GRM5: variants seen among roughly 807,000 people sequenced by gnomAD.
The protein encoded by GRM5 is glutamate metabotropic receptor 5, also known as metabotropic glutamate receptor 5.
A neutral mutation model predicts 83.1 loss-of-function variants in GRM5; 19 were observed. The observed-to-expected ratio is 0.23, with a 90% CI of 0.16 to 0.34. GRM5 has a LOEUF of 0.34. Ranked by LOEUF, GRM5 falls within the 10% of genes least tolerant of loss-of-function variation. The pLI is 1.00. For synonymous variants in GRM5, 675 were observed against 633.6 expected, an observed-to-expected ratio of 1.07 and a Z score of -0.98; for missense variants, 1,160 against 1,588.3, an observed-to-expected ratio of 0.73 and a Z score of 4.58.
At chr11:88,584,624 AG>A (rs1943278132) in intron 7 of GRM5, among the ~76,000 whole-genome samples, 1 of 152,046 alleles carries the variant, frequency 6.6e-6, no homozygotes, top group Non-Finnish European at 1.5e-5. Flanking sequence ...TTGTATGTTT[AG>A]TAGAGACAAG....
chr11:88,774,111 G>A (rs1942797680), intron 3 of GRM5, among the ~76,000 whole-genome samples: 1 of 152,068 alleles, frequency 6.6e-6, no homozygotes, highest in Non-Finnish European at 1.5e-5. Context: ...ATTTGTTCAT[G>A]TCCTCTTTTA....
intron 2 of GRM5, among the ~76,000 whole-genome samples, chr11:88,878,195 A>T (rs1189451364): frequency 1.3e-5 from 2 of 152,166 alleles, no homozygotes; most frequent in African/African-American, 4.8e-5. Flanking sequence ...GTTCTTCGAT[A>T]GGTGAATTAT....
At chr11:88,822,084 G>A (rs889598641) in intron 3 of GRM5, among the ~76,000 whole-genome samples, 15 of 152,112 alleles carry the variant, frequency 9.9e-5, no homozygotes, top group Non-Finnish European at 1.8e-4. Context: ...AATCGTTTAA[G>A]TGACTTCATA....
intron 9 of GRM5, among the ~76,000 whole-genome samples, chr11:88,518,172 T>A (rs190868454): frequency 6.6e-5 from 10 of 152,036 alleles, no homozygotes; most frequent in African/African-American, 2.4e-4. Flanking sequence ...TATGTTCAAT[T>A]TAATAATATA....
At chr11:88,991,518 A>G (rs1447367440) in intron 2 of GRM5, among the ~76,000 whole-genome samples, 1 of 151,528 alleles carries the variant, frequency 6.6e-6, no homozygotes, top group South Asian at 2.1e-4. Context: ...ACTACTTTAA[A>G]GTTCATATGG....
At chr11:88,911,360 T>G (rs1372796567) in intron 2 of GRM5, among the ~76,000 whole-genome samples, 1 of 152,154 alleles carries the variant, frequency 6.6e-6, no homozygotes. Context: ...TCATCTATCC[T>G]GTGTTTCCTG....
intron 4 of GRM5, among the ~76,000 whole-genome samples, chr11:88,617,645 G>A (rs1565156181): frequency 6.6e-6 from 1 of 152,152 alleles, no homozygotes; most frequent in Non-Finnish European, 1.5e-5. Flanking sequence ...GGGTGCAAAG[G>A]CAACAGTGTC....
intron 3 of GRM5, among the ~76,000 whole-genome samples, chr11:88,664,078 C>T (rs115475258): frequency 0.01 from 1,526 of 152,208 alleles, 17 homozygotes; most frequent in East Asian, 0.066. Flanking sequence ...TTGCTAAGTT[C>T]TCTGCAGAGT....
At chr11:89,005,312 C>A (rs548270312) in intron 2 of GRM5, among the ~76,000 whole-genome samples, 13 of 152,260 alleles carry the variant, frequency 8.5e-5, no homozygotes, top group African/African-American at 3.1e-4. Context: ...GCAGGCTATA[C>A]ATTTCATATC....
chr11:88,653,312 T>C lies in GRM5; in HGVS notation c.1003A>G (p.Lys335Glu). The C allele has an allele frequency of 6.2e-7, 1 of 1,613,084 alleles. No individual in the cohort carries two copies. Residue 335 changes from lysine (K) to glutamate (E), a missense_variant, in exon 4 of 10, where the codon AAG becomes GAG. Lys to Glu is a moderately conservative substitution (Grantham distance 56). This residue lies in a region of GRM5 where 132 missense variants were observed against 197.6 expected (regional missense o/e 0.67). Transcript: ENST00000305447. ...ITIKLQSPDV[K>E]WFDDYYLKLR... ...TTCAGATAATAATCATCAAACCACT[T>C]GACATCGGGAGATTGGAGCTTGATT...
intron 3 of GRM5, among the ~76,000 whole-genome samples, chr11:88,748,494 T>C (rs1942190790): frequency 3.9e-5 from 6 of 152,098 alleles, no homozygotes. Flanking sequence ...TGTGGTTCAG[T>C]TGAGTCAGCT....
In GRM5 at chr11:88,633,988, C is replaced by T. The variant is rs183836031; in HGVS notation, c.1147+19180G>A. On this transcript the variant is annotated intron_variant, in intron 4 of 9. Transcript: ENST00000305447. Reference sequence around the variant, plus strand: ...AGCTATATGATATAGCTGGTTTCTCCTAAGCTACAAACCTGTACAGCATGT... The same window carrying T: ...AGCTATATGATATAGCTGGTTTCTCTTAAGCTACAAACCTGTACAGCATGT... Among the ~76,000 whole-genome samples, 18 of 152,252 alleles carry T rather than the reference C, an allele frequency of 1.2e-4. No homozygotes were observed. In the East Asian group the frequency reaches 3.5e-3, roughly 29 times the overall value.
In GRM5 at chr11:88,618,619, C is replaced by T. The variant is rs925742312; in HGVS notation, c.1148-13655G>A. 7.7e-5 allele frequency among the ~76,000 whole-genome samples: 11 copies of T among 143,202 alleles called. No homozygotes were observed. In the East Asian group the frequency reaches 1.7e-3, roughly 22 times the overall value. The allele number at this position is 143,202 out of a possible 152,430, so 93.9% of individuals were successfully genotyped here. A position where few individuals can be genotyped will look rare whatever the true frequency, so the allele number is the denominator to read the frequency against. On this transcript the variant is annotated intron_variant, in intron 4 of 9. Transcript: ENST00000305447. Reference sequence around the variant, plus strand: ...ATCTGTGTCCTCAAAAAAAAAAAAACGATTCAACATATAAGTATGGGCTCA... The same window carrying T: ...ATCTGTGTCCTCAAAAAAAAAAAAATGATTCAACATATAAGTATGGGCTCA...
intron 2 of GRM5, among the ~76,000 whole-genome samples, chr11:88,858,838 T>C (rs1279513869): frequency 1.3e-5 from 2 of 152,056 alleles, no homozygotes; most frequent in African/African-American, 2.4e-5. Flanking sequence ...AATAAGAACA[T>C]TCTGGCTAAG....
intron 3 of GRM5, among the ~76,000 whole-genome samples, chr11:88,723,061 C>T (rs976296269): frequency 1.4e-4 from 22 of 152,044 alleles, no homozygotes; most frequent in African/African-American, 5.3e-4. Flanking sequence ...CCGTCAACCA[C>T]TAATATTTTT....
At chr11:88,609,688 G>T (rs540071810) in intron 4 of GRM5, among the ~76,000 whole-genome samples, 1 of 152,114 alleles carries the variant, frequency 6.6e-6, no homozygotes, top group Admixed American at 6.5e-5. Context: ...TAGGTTGTCT[G>T]TTTACTCTGC....
chr11:88,525,267 C>A, intron 9 of GRM5, 42 bp downstream of exon 9: 1 of 1,143,488 alleles, frequency 8.7e-7, no homozygotes, highest in Non-Finnish European at 1.3e-6. Context: ...AGCTTGCATA[C>A]ATTTATTTCA....
In GRM5 at chr11:89,047,123, A is replaced by C. The variant is rs889776208; in HGVS notation, c.661+89T>G. On this transcript the variant is annotated intron_variant, in intron 2 of 9. Coordinates refer to ENST00000305447, the MANE Select transcript of GRM5 (RefSeq NM_001143831.3). The surrounding 1 kb of genome is among the most constrained non-coding windows in gnomAD (Gnocchi z 5.1). ...TCGGACAATTCAAAATATCCAAAAT[A>C]ATTAGGAATAGTTTACTCTTCCCAA... 2.0e-5 allele frequency: 20 copies of C among 995,552 alleles called. No homozygotes were observed. Among genetic ancestry groups the C allele is most frequent in the Non-Finnish European group, 3.0e-5 (20 of 658,550 alleles). 61.7% of individuals were successfully genotyped at this position (995,552 alleles called of 1,614,324 possible).
intron 2 of GRM5, among the ~76,000 whole-genome samples, chr11:88,946,446 C>T (rs1181292367): frequency 6.6e-6 from 1 of 152,062 alleles, no homozygotes; most frequent in African/African-American, 2.4e-5. Context: ...ATGTTCTTTG[C>T]ATCACTATTC....
Sources: gnomAD v4.1 joint callset for allele counts (sites outside exome capture counted in the v4.1 genomes callset) on GRCh38, gnomAD v4.1.1 for gene constraint, gnomAD v4.1.1 regional missense constraint, Gnocchi (gnomAD v3.1) non-coding constraint, MANE v1.5 for transcripts, NCBI Gene and HGNC (gene_info 2026-07-23, HGNC 2026-07-21) for gene names.